The following NCOR2 variants were observed in gnomAD, a reference collection of about 807,000 sequenced individuals.
NCOR2 encodes nuclear receptor corepressor 2.
A neutral mutation model predicts 262.9 loss-of-function variants in NCOR2; 81 were observed. The observed-to-expected ratio is 0.31, with a 90% CI of 0.26 to 0.37. The LOEUF is 0.37. Among genes scored for constraint, NCOR2 ranks in the 10% least tolerant of loss-of-function variants. NCOR2 has a pLI of 1.00. For synonymous variants in NCOR2, 1,659 were observed against 1,559.3 expected (o/e 1.06, Z -1.51); for missense variants, 3,385 against 3,621.4 (o/e 0.93, Z 1.68).
chr12:124,562,040 G>C (rs2052089579), intron 1 of NCOR2: 1 of 152,226 alleles, frequency 6.6e-6, no homozygotes, highest in Admixed American at 6.5e-5. Flanking sequence ...GGTGCAGGTG[G>C]GGCATTGGGG....
intron 6 of NCOR2, 119 bp downstream of exon 8, chr12:124,456,987 G>T: frequency 2.7e-6 from 2 of 739,736 alleles, no homozygotes; most frequent in Non-Finnish European, 3.6e-6. Flanking sequence ...CGCGGACGCC[G>T]CCTGGGCAGC....
chr12:124,459,722 G>A (rs573358240), intron 5 of NCOR2, among the ~76,000 whole-genome samples: 3 of 152,298 alleles, frequency 2.0e-5, no homozygotes, highest in African/African-American at 7.2e-5. Flanking sequence ...AACGTGGCAT[G>A]GCTGGGGAAC....
intron 3 of NCOR2, among the ~76,000 whole-genome samples, chr12:124,473,698 C>T (rs1170897080): frequency 6.6e-6 from 1 of 152,134 alleles, no homozygotes; most frequent in East Asian, 1.9e-4. Context: ...TCCTCTTTGC[C>T]CTCCGCCATG....
intron 5 of NCOR2, among the ~76,000 whole-genome samples, chr12:124,462,746 C>T (rs991218265): frequency 2.0e-5 from 3 of 152,174 alleles, no homozygotes; most frequent in Admixed American, 1.3e-4. Context: ...TGCCAAAACC[C>T]CCAAAAGGCT....
At chr12:124,489,181 G>C (rs1565990738) in intron 1 of NCOR2, among the ~76,000 whole-genome samples, 1 of 151,968 alleles carries the variant, frequency 6.6e-6, no homozygotes, top group Non-Finnish European at 1.5e-5. Context: ...CCATGAGCTG[G>C]AATACGCCCA....
intron 1 of NCOR2, among the ~76,000 whole-genome samples, chr12:124,489,881 A>T (rs925045241): frequency 5.3e-5 from 8 of 152,070 alleles, no homozygotes; most frequent in African/African-American, 1.9e-4. Flanking sequence ...CCTTTGCGGG[A>T]GAGGAGTGCC....
intron 1 of NCOR2, among the ~76,000 whole-genome samples, chr12:124,551,560 C>A (rs2051714363): frequency 6.6e-6 from 1 of 152,196 alleles, no homozygotes; most frequent in Admixed American, 6.5e-5. Flanking sequence ...GTGTCCTGGG[C>A]TAAGGCTCGG....
Position 124,343,124 on chromosome 12 carries a change from T to C in NCOR2, c.4817A>G (p.His1606Arg), listed in dbSNP as rs1422827647. Residue 1606 changes from histidine to arginine, a missense_variant, in exon 33 of 47, where the codon CAC becomes CGC. Coordinates refer to ENST00000405201, the Ensembl canonical transcript of NCOR2. Reference sequence around the variant, plus strand: ...CAGGTGCTCATAGGGCGAGATGGGGTGTGGGTGGTGCTCGGGCACGGTGCT... The same window carrying C: ...CAGGTGCTCATAGGGCGAGATGGGGCGTGGGTGGTGCTCGGGCACGGTGCT... The C allele has an allele frequency of 2.5e-6, 4 of 1,611,662 alleles. No homozygotes were observed. The Admixed American group carries it at 6.7e-5, about 27-fold the overall frequency.
rs376657965 is a variant in NCOR2, at chr12:124,344,866, C to T, written c.4445G>A (p.Arg1482Gln). ...CAGCGGGTGCACGGGTGGGAACGTC[C>T]GGCCGGGGCTGCCGATGAGGGAGCG... Residue 1482 changes from arginine to glutamine, a missense_variant, in exon 32 of 47, where the codon CGG becomes CAG. Coordinates refer to ENST00000405201, the Ensembl canonical transcript of NCOR2. 2.5e-5 allele frequency: 39 copies of T among 1,575,150 alleles called. No homozygotes were observed. Among genetic ancestry groups the T allele is most frequent in the African/African-American group, 2.0e-4 (15 of 74,322 alleles).
rs574047313 is a variant in NCOR2 at position 124,481,641 on chromosome 12, C to T, written c.411+1955G>A. On this transcript the variant is annotated intron_variant, in intron 3 of 46. Coordinates refer to ENST00000405201, the Ensembl canonical transcript of NCOR2. The surrounding 1 kb of genome is among the most constrained non-coding windows in gnomAD (Gnocchi z 4.6). ...CTCCAGGGTGGCCTGGGAGGCTGTA[C>T]GTGAGCGGTTGAGAGGGCTGCTGCA... Among the ~76,000 whole-genome samples, 44 of 152,258 alleles carry T rather than the reference C, an allele frequency of 2.9e-4. No homozygotes were observed. Among genetic ancestry groups the T allele is most frequent in the African/African-American group, 3.6e-4 (15 of 41,556 alleles).
intron 3 of NCOR2, among the ~76,000 whole-genome samples, chr12:124,475,036 T>A (rs879679679): frequency 5.9e-5 from 9 of 151,900 alleles, no homozygotes; most frequent in Non-Finnish European, 1.2e-4. Flanking sequence ...GCCTCTGTCC[T>A]CCCCTCACCC....
chr12:124,551,799 T>C (rs539844586), intron 1 of NCOR2, among the ~76,000 whole-genome samples: 1 of 152,282 alleles, frequency 6.6e-6, no homozygotes, highest in Admixed American at 6.5e-5. Context: ...GGCCGTTTTC[T>C]TCCTCTTTTT....
intron 27 of NCOR2, among the ~76,000 whole-genome samples, chr12:124,351,568 G>A (rs533812352): frequency 3.7e-4 from 57 of 152,256 alleles, no homozygotes; most frequent in African/African-American, 1.3e-3. Flanking sequence ...TGAGCTTCCC[G>A]TTGGAGGATG....
At position 124,495,013 on chromosome 12, in the gene NCOR2, G is replaced by A. The variant is rs1342854230; in HGVS notation, c.105+134C>T. On this transcript the variant is annotated intron_variant, in intron 1 of 46. Transcript: ENST00000405201. The surrounding 1 kb of genome is among the most constrained non-coding windows in gnomAD (Gnocchi z 4.4). ...TTCAGACACCAGGGGTCTCTGTGGC[G>A]GCCTCCCCTCTGCCCTGGGAGGCTC... is the stretch of plus-strand genomic sequence containing the variant. 2.4e-5 allele frequency: 25 copies of A among 1,057,552 alleles called. No homozygotes were observed. The highest frequency in any genetic ancestry group is 8.4e-5 in the East Asian group (3 of 35,576). 65.5% of individuals were successfully genotyped at this position (1,057,552 alleles called of 1,614,324 possible).
intron 20 of NCOR2, among the ~76,000 whole-genome samples, chr12:124,371,809 C>T (rs1286758964): frequency 3.9e-5 from 6 of 152,132 alleles, no homozygotes. Context: ...GCTTGGATGT[C>T]ACCTCCTGGG....
intron 7 of NCOR2, among the ~76,000 whole-genome samples, 170 bp downstream of exon 9, chr12:124,449,645 C>A (rs1030923107): frequency 2.0e-5 from 3 of 151,954 alleles, no homozygotes; most frequent in African/African-American, 7.3e-5. Flanking sequence ...CCCACCCCCA[C>A]CCCAGGTGCC....
intron 16 of NCOR2, among the ~76,000 whole-genome samples, chr12:124,393,686 T>C (rs1483105748): frequency 1.3e-5 from 2 of 152,186 alleles, no homozygotes; most frequent in African/African-American, 2.4e-5. Flanking sequence ...AGTGCCTGGG[T>C]TCAAATCCCA....
chr12:124,533,337 G>A (rs1195312087), intron 1 of NCOR2, among the ~76,000 whole-genome samples: 2 of 152,020 alleles, frequency 1.3e-5, no homozygotes, highest in Admixed American at 6.5e-5. Flanking sequence ...TGGCAGGGCT[G>A]TTCCCTCAGC....
intron 44 of NCOR2, chr12:124,328,405 C>G (rs1454633865): frequency 6.5e-6 from 1 of 152,748 alleles, no homozygotes; most frequent in Non-Finnish European, 1.5e-5. Flanking sequence ...CCGGCCCCAG[C>G]TGGCCCAGCT....
Sources: gnomAD v4.1 joint callset for allele counts (sites outside exome capture counted in the v4.1 genomes callset) on GRCh38, gnomAD v4.1.1 for gene constraint, Gnocchi (gnomAD v3.1) non-coding constraint, MANE v1.5 for transcripts, NCBI Gene and HGNC (gene_info 2026-07-23, HGNC 2026-07-21) for gene names.